The following TESK2 variants were observed in gnomAD, a reference collection of about 807,000 sequenced individuals.
TESK2 encodes testis associated actin remodelling kinase 2.
A neutral mutation model predicts 57.1 loss-of-function variants in TESK2; 39 were observed. That is an observed-to-expected ratio of 0.68 (90% confidence interval 0.53 to 0.89). The LOEUF (loss-of-function observed/expected upper bound fraction) is 0.89. TESK2 is among the 40% of genes least tolerant of loss of function. TESK2 has a pLI of 0.00. For synonymous variants in TESK2, 249 were observed against 267.9 expected (o/e 0.93, Z 0.69); for missense variants, 646 against 732.1 (o/e 0.88, Z 1.36).
rs190468715 is a variant in TESK2, at chr1:45,447,489, A to T, written c.222+10075T>A. ...CAACAGAAGGTCTTCAGGGACAATAACACACATGGAGCTATCATATCCTAT... is the reference window on the plus strand; with the variant it reads ...CAACAGAAGGTCTTCAGGGACAATATCACACATGGAGCTATCATATCCTAT... On this transcript the variant is annotated intron_variant, in intron 2 of 10. Coordinates refer to ENST00000372086, the MANE Select transcript of TESK2 (RefSeq NM_007170.3). 1.2e-4 allele frequency among the ~76,000 whole-genome samples: 18 copies of T among 152,272 alleles called. 1 individual carries two copies. In the East Asian group the frequency reaches 2.5e-3, roughly 21 times the overall value.
intron 1 of TESK2, among the ~76,000 whole-genome samples, chr1:45,461,992 T>C (rs1300142139): frequency 6.6e-6 from 1 of 152,188 alleles, no homozygotes; most frequent in Non-Finnish European, 1.5e-5. Flanking sequence ...CCGACCGTAG[T>C]CATTCTGTTG....
intron 1 of TESK2, among the ~76,000 whole-genome samples, chr1:45,461,952 A>G (rs1191317438): frequency 6.6e-6 from 1 of 152,180 alleles, no homozygotes; most frequent in African/African-American, 2.4e-5. Flanking sequence ...GTACTCTCCC[A>G]GTTATTCTAA....
Position 45,467,036 on chromosome 1 carries a change from A to G in TESK2, c.-86-9165T>C, listed in dbSNP as rs138467498. ...AACTAAAAATGAAGACACTAAATTCATAATAGTATTTGCCTCAGGGGAAAG... is the reference window on the plus strand; with the variant it reads ...AACTAAAAATGAAGACACTAAATTCGTAATAGTATTTGCCTCAGGGGAAAG... On this transcript the variant is annotated intron_variant, in intron 1 of 10. Transcript: ENST00000372086. Among the ~76,000 whole-genome samples, 290 of 152,250 alleles carry G rather than the reference A, an allele frequency of 1.9e-3. 1 individual carries two copies. The highest frequency in any genetic ancestry group is 6.5e-3 in the African/African-American group (270 of 41,566).
At chr1:45,379,011 G>C (rs1180829323) in intron 4 of TESK2, among the ~76,000 whole-genome samples, 1 of 152,114 alleles carries the variant, frequency 6.6e-6, no homozygotes, top group Non-Finnish European at 1.5e-5. Context: ...TTAACCCAAG[G>C]CAGGGCACCA....
intron 5 of TESK2, among the ~76,000 whole-genome samples, 180 bp from the exon 6 acceptor site, chr1:45,348,180 G>A (rs1647173359): frequency 6.6e-6 from 1 of 152,192 alleles, no homozygotes; most frequent in African/African-American, 2.4e-5. Context: ...GGTGAGATGA[G>A]TTAGTCCTGG....
chr1:45,386,019 A>G, intron 3 of TESK2, 59 bp from the exon 4 acceptor site: 1 of 1,383,550 alleles, frequency 7.2e-7, no homozygotes, highest in Non-Finnish European at 1.0e-6. Flanking sequence ...AAATTCATAT[A>G]GAGAAATCAG....
chr1:45,474,236 C>T (rs1652884000), intron 1 of TESK2, among the ~76,000 whole-genome samples: 2 of 151,994 alleles, frequency 1.3e-5, no homozygotes, highest in Non-Finnish European at 2.9e-5. Flanking sequence ...ACTCAGGAGG[C>T]TGAGGCATGA....
rs1353130339 is a variant in TESK2 at position 45,355,243 on chromosome 1, T to C, written c.540+60A>G. On this transcript the variant is annotated intron_variant, in intron 5 of 10. Coordinates refer to ENST00000372086, the MANE Select transcript of TESK2 (RefSeq NM_007170.3). ...ATTAAATGTTAAATCTAACACAGCT[T>C]TCTTGGCAAAAGAGAAGGGTGGTAT... is the stretch of plus-strand genomic sequence containing the variant. 1.9e-6 allele frequency: 3 copies of C among 1,578,450 alleles called. No homozygotes were observed. The African/African-American group carries it at 4.1e-5, about 21-fold the overall frequency.
intron 3 of TESK2, among the ~76,000 whole-genome samples, chr1:45,411,741 A>G (rs1650046432): frequency 6.6e-6 from 1 of 152,208 alleles, no homozygotes; most frequent in South Asian, 2.1e-4. Flanking sequence ...GGCTTCAGGA[A>G]GACTGATTTA....
chr1:45,450,785 T>C (rs1222624736), intron 2 of TESK2, among the ~76,000 whole-genome samples: 1 of 151,904 alleles, frequency 6.6e-6, no homozygotes, highest in Non-Finnish European at 1.5e-5. Context: ...TTAAATTTTA[T>C]TATTATTATA....
At chr1:45,461,283 G>C (rs1190892120) in intron 1 of TESK2, among the ~76,000 whole-genome samples, 1 of 152,044 alleles carries the variant, frequency 6.6e-6, no homozygotes, top group East Asian at 1.9e-4. Context: ...AACCCAAGAG[G>C]CAGAGATTGC....
rs1647142342 is a variant in TESK2 at position 45,346,255 on chromosome 1, T to C, written c.880-261A>G. On this transcript the variant is annotated intron_variant, in intron 9 of 10. Transcript: ENST00000372086. The stretch of plus-strand genomic sequence containing the variant: ...ATGCTCATATTAGTTTATTCTGTTC[T>C]TGAGTTCTGCTCCTAATGTGTTTCT... 2.0e-5 allele frequency among the ~76,000 whole-genome samples: 3 copies of C among 152,230 alleles called. No homozygotes were observed. In the South Asian group the frequency reaches 6.2e-4, roughly 32 times the overall value.
At chr1:45,406,504 G>A (rs1389060498) in intron 3 of TESK2, among the ~76,000 whole-genome samples, 4 of 151,866 alleles carry the variant, frequency 2.6e-5, no homozygotes, top group Non-Finnish European at 5.9e-5. Context: ...AATTAGCTGG[G>A]TGTGACACAT....
intron 5 of TESK2, among the ~76,000 whole-genome samples, chr1:45,351,388 A>T (rs1277109221): frequency 6.6e-6 from 1 of 152,252 alleles, no homozygotes; most frequent in Non-Finnish European, 1.5e-5. Flanking sequence ...TTACAAAATT[A>T]GACTGAATGG....
chr1:45,390,921 CTTT>C (rs776953314), intron 3 of TESK2, among the ~76,000 whole-genome samples: 2 of 129,038 alleles, frequency 1.5e-5, no homozygotes, highest in Non-Finnish European at 1.7e-5. Context: ...AGCTACATTT[CTTT>C]TTTTTTTTTT....
At chr1:45,407,858 C>T (rs1329517323) in intron 3 of TESK2, among the ~76,000 whole-genome samples, 1 of 152,158 alleles carries the variant, frequency 6.6e-6, no homozygotes, top group African/African-American at 2.4e-5. Context: ...CCTACTGCTA[C>T]TTCTTTCCAA....
At chr1:45,429,795 A>T (rs1424683860) in intron 2 of TESK2, among the ~76,000 whole-genome samples, 1 of 152,180 alleles carries the variant, frequency 6.6e-6, no homozygotes, top group East Asian at 1.9e-4. Flanking sequence ...CCTCCGCTTT[A>T]ACTCTTACAC....
chr1:45,372,796 T>C (rs1000443593), intron 4 of TESK2, among the ~76,000 whole-genome samples: 1 of 151,346 alleles, frequency 6.6e-6, no homozygotes, highest in Non-Finnish European at 1.5e-5. Context: ...CCCAGCACTT[T>C]GGGAGGCTGA....
At chr1:45,403,379 AT>A (rs1649711892) in intron 3 of TESK2, among the ~76,000 whole-genome samples, 2 of 152,312 alleles carry the variant, frequency 1.3e-5, no homozygotes, top group South Asian at 4.1e-4. Context: ...CAGTTCAAAC[AT>A]GTTTTAGAGG....
Sources: allele counts gnomAD v4.1 joint callset (sites outside exome capture counted in the v4.1 genomes callset), GRCh38; gene constraint gnomAD v4.1.1; transcripts MANE v1.5; gene names NCBI Gene and HGNC (gene_info 2026-07-23, HGNC 2026-07-21).